Variants in SGCD observed in about 807,000 individuals in gnomAD.
SGCD encodes delta-sarcoglycan.
SGCD carries 18 observed loss-of-function variants against 36.6 expected under a neutral mutation model. The observed-to-expected ratio is 0.49, with a 90% CI of 0.34 to 0.73. The LOEUF is 0.73. SGCD is among the 30% of genes least tolerant of loss of function. The pLI is 0.01. For synonymous variants in SGCD, 133 were observed against 130.6 expected, an observed-to-expected ratio of 1.02 and a Z score of -0.12; for missense variants, 387 against 346.7, an observed-to-expected ratio of 1.12 and a Z score of -0.92.
intron 1 of SGCD, among the ~76,000 whole-genome samples, chr5:155,968,273 A>G (rs977129960): frequency 1.3e-5 from 2 of 152,166 alleles, no homozygotes; most frequent in African/African-American, 4.8e-5. Context: ...TCTTAGAATT[A>G]GGAAATTTGC....
chr5:155,991,820 G>C (rs147244627), intron 1 of SGCD, among the ~76,000 whole-genome samples: 1 of 152,046 alleles, frequency 6.6e-6, no homozygotes, highest in East Asian at 1.9e-4. Context: ...TACTTAAGGC[G>C]AACTCCACAA....
chr5:156,696,053 C>A (rs1395772141), intron 7 of SGCD, among the ~76,000 whole-genome samples: 1 of 152,230 alleles, frequency 6.6e-6, no homozygotes, highest in Non-Finnish European at 1.5e-5. Flanking sequence ...ACAACCTGTT[C>A]TGGGTACTTG....
chr5:156,164,248 T>C lies in SGCD; in HGVS notation c.-44+40229T>C, dbSNP rs143417100. On this transcript the variant is annotated intron_variant, in intron 3 of 9. Coordinates refer to the SGCD transcript ENST00000517913. ...CAGAGAATGGGACCTGAGAGTCATT[T>C]TTGGACTTGAGGTTCAATTTTCCCC... 1.3e-4 allele frequency among the ~76,000 whole-genome samples: 19 copies of C among 151,718 alleles called. No homozygotes were observed. The East Asian group carries it at 3.7e-3, about 29-fold the overall frequency.
chr5:156,166,015 T>G (rs111291011), intron 3 of SGCD, among the ~76,000 whole-genome samples: 58 of 152,330 alleles, frequency 3.8e-4, no homozygotes, highest in Middle Eastern at 6.8e-3. Flanking sequence ...GTATGAAAAC[T>G]GTTCCTCTAG....
At chr5:156,427,847 T>C (rs1273074481) in intron 3 of SGCD, among the ~76,000 whole-genome samples, 1 of 152,196 alleles carries the variant, frequency 6.6e-6, no homozygotes. Context: ...ATTTATTGAC[T>C]TGCATATGCT....
intron 3 of SGCD, among the ~76,000 whole-genome samples, chr5:156,390,296 GACA>G (rs998681084): frequency 1.3e-5 from 2 of 152,178 alleles, no homozygotes; most frequent in Non-Finnish European, 2.9e-5. Context: ...CATAGGAGAT[GACA>G]ACTTCGTACA....
At chr5:155,845,615 T>G in the SGCD span, 2 of 152,236 alleles carry the variant, frequency 1.3e-5, no homozygotes, top group Non-Finnish European at 2.9e-5. Context: ...CCAAAAATGT[T>G]CAGCGTTCTC....
At chr5:156,479,843 G>A (rs1039094564) in intron 3 of SGCD, among the ~76,000 whole-genome samples, 7 of 152,162 alleles carry the variant, frequency 4.6e-5, no homozygotes, top group South Asian at 2.1e-4. Flanking sequence ...CTGATACAGC[G>A]AGTTTCAGAA....
intron 1 of SGCD, among the ~76,000 whole-genome samples, chr5:156,068,746 C>A (rs527777908): frequency 0.058 from 8,607 of 149,586 alleles, 849 homozygotes; most frequent in African/African-American, 0.2. Flanking sequence ...CCAACAGTGT[C>A]AAAGTGTTCC....
At chr5:156,481,476 GCTTTC>G (rs1282026877) in intron 3 of SGCD, among the ~76,000 whole-genome samples, 4 of 152,126 alleles carry the variant, frequency 2.6e-5, no homozygotes, top group African/African-American at 9.7e-5. Context: ...CTTAGTTTTT[GCTTTC>G]CTTTATTTTT....
At chr5:156,244,295 G>A (rs995671686) in intron 3 of SGCD, among the ~76,000 whole-genome samples, 1 of 152,198 alleles carries the variant, frequency 6.6e-6, no homozygotes, top group Non-Finnish European at 1.5e-5. Flanking sequence ...CCAGTTGAAA[G>A]AGCCTTAAAG....
At chr5:156,634,962 G>A (rs912489533) in intron 6 of SGCD, among the ~76,000 whole-genome samples, 1 of 152,144 alleles carries the variant, frequency 6.6e-6, no homozygotes. Context: ...AGTGGCTCAT[G>A]CTTGTAATCC....
intron 3 of SGCD, among the ~76,000 whole-genome samples, chr5:156,470,910 C>G (rs766896702): frequency 6.6e-6 from 1 of 152,146 alleles, no homozygotes; most frequent in Non-Finnish European, 1.5e-5. Context: ...CTAAAGTATA[C>G]AGAAGTATAA....
intron 4 of SGCD, among the ~76,000 whole-genome samples, chr5:156,533,551 T>C (rs1757974536): frequency 6.6e-6 from 1 of 152,208 alleles, no homozygotes; most frequent in African/African-American, 2.4e-5. Context: ...AAATGGAAGA[T>C]TATAAAAACT....
At chr5:156,079,487 A>C (rs1043741728) in intron 1 of SGCD, among the ~76,000 whole-genome samples, 4 of 152,220 alleles carry the variant, frequency 2.6e-5, no homozygotes, top group African/African-American at 9.7e-5. Flanking sequence ...TCTGGAGACG[A>C]GTTCCTTCCA....
chr5:155,769,688 C>G, the SGCD span, among the ~76,000 whole-genome samples: 1 of 152,224 alleles, frequency 6.6e-6, no homozygotes, highest in East Asian at 1.9e-4. Flanking sequence ...CAACTAGCCT[C>G]AAAGTATCTT....
At chr5:156,206,912 A>G (rs759985825) in intron 3 of SGCD, among the ~76,000 whole-genome samples, 34 of 151,920 alleles carry the variant, frequency 2.2e-4, no homozygotes, top group Admixed American at 2.2e-3. Flanking sequence ...TTTCCCCTGC[A>G]CACTTGGCCA....
intron 7 of SGCD, among the ~76,000 whole-genome samples, chr5:156,679,478 G>A (rs1366123692): frequency 1.3e-5 from 2 of 152,108 alleles, no homozygotes; most frequent in Non-Finnish European, 2.9e-5. Flanking sequence ...ATACATACAT[G>A]CACATGCCAC....
intron 1 of SGCD, among the ~76,000 whole-genome samples, chr5:155,891,595 A>G (rs947008564): frequency 9.6e-5 from 6 of 62,518 alleles, no homozygotes; most frequent in African/African-American, 4.4e-4. Flanking sequence ...TTACTTGGTC[A>G]AACTCTCAAT....
Sources: gnomAD v4.1 joint callset for allele counts (sites outside exome capture counted in the v4.1 genomes callset) on GRCh38, gnomAD v4.1.1 for gene constraint, MANE v1.5 for transcripts, NCBI Gene and HGNC (gene_info 2026-07-23, HGNC 2026-07-21) for gene names.